The following COTL1 variants were observed in gnomAD, a reference collection of about 807,000 sequenced individuals.
COTL1 encodes the protein coactosin-like protein.
In COTL1, 15 loss-of-function variants were observed where a neutral mutation model predicts 16.5. That is an observed-to-expected ratio of 0.91 (90% confidence interval 0.61 to 1.40). The LOEUF (loss-of-function observed/expected upper bound fraction) is 1.40, where lower values mean the gene tolerates loss of function less well. Ranked by LOEUF, COTL1 falls within the 40% of genes most tolerant of loss-of-function variation. COTL1 has a pLI of 0.00. For synonymous variants in COTL1, 112 were observed against 85.3 expected (o/e 1.31, Z -1.73); for missense variants, 220 against 201.5 (o/e 1.09, Z -0.56).
intron 2 of COTL1, chr16:84,594,861 C>G (rs954972600): frequency 6.5e-6 from 1 of 152,976 alleles, no homozygotes; most frequent in South Asian, 2.1e-4. Flanking sequence ...CCCCCTCCCA[C>G]GGCTCTGGCT....
At chr16:84,617,112 C>T (rs1463806252) in intron 2 of COTL1, among the ~76,000 whole-genome samples, 1 of 152,180 alleles carries the variant, frequency 6.6e-6, no homozygotes, top group Non-Finnish European at 1.5e-5. Flanking sequence ...GTTTCTTTCC[C>T]TTCCAAGCAG....
intron 2 of COTL1, among the ~76,000 whole-genome samples, chr16:84,605,057 G>A (rs1433052434): frequency 6.6e-6 from 1 of 152,222 alleles, no homozygotes; most frequent in Non-Finnish European, 1.5e-5. Flanking sequence ...CCAGACACAC[G>A]CACAGGCTTT....
chr16:84,602,895 T>C (rs1160843731), intron 2 of COTL1, among the ~76,000 whole-genome samples: 1 of 150,600 alleles, frequency 6.6e-6, no homozygotes, highest in Non-Finnish European at 1.5e-5. Context: ...AAAAAGGCAG[T>C]GTTGCTGGAG....
chr16:84,573,752 A>ATAT (rs1244547102), intron 3 of COTL1, among the ~76,000 whole-genome samples: 38,913 of 148,074 alleles, frequency 0.26, 5,741 homozygotes, highest in Middle Eastern at 0.4. Flanking sequence ...AAAAAAAAAA[A>ATAT]ATATATATAT....
intron 2 of COTL1, among the ~76,000 whole-genome samples, chr16:84,607,833 T>A (rs1025474075): frequency 6.6e-6 from 1 of 152,008 alleles, no homozygotes. Flanking sequence ...TGGGGCATAG[T>A]AGATGCTCGA....
chr16:84,607,055 A>G (rs560044609), intron 2 of COTL1, among the ~76,000 whole-genome samples: 2 of 152,324 alleles, frequency 1.3e-5, no homozygotes, highest in East Asian at 1.9e-4. Flanking sequence ...ATTGGCAGCC[A>G]TCTAACCATG....
rs1243843497 is a variant in COTL1 at position 84,613,053 on chromosome 16, T to C, written c.160+4448A>G. On this transcript the variant is annotated intron_variant, in intron 2 of 3. Transcript: ENST00000262428. ...TCTCACTCTGCTGCCCAGGCTAGAG[T>C]ACAACAGCGCGATCTCGGCTCACTG... Among the ~76,000 whole-genome samples, 6 of 150,120 alleles carry C rather than the reference T, an allele frequency of 4.0e-5. No individual in the cohort carries two copies. In the South Asian group the frequency reaches 6.3e-4, roughly 16 times the overall value.
intron 3 of COTL1, among the ~76,000 whole-genome samples, chr16:84,588,093 A>C (rs951233253): frequency 7.2e-5 from 11 of 152,176 alleles, no homozygotes; most frequent in Admixed American, 2.0e-4. Flanking sequence ...TTTTAAATAA[A>C]AGTTTTATTA....
chr16:84,611,895 G>A (rs528225200), intron 2 of COTL1, among the ~76,000 whole-genome samples: 1 of 152,136 alleles, frequency 6.6e-6, no homozygotes, highest in Non-Finnish European at 1.5e-5. Flanking sequence ...GCTGTGGCCA[G>A]GTAGATCATA....
chr16:84,580,281 T>C (rs1180532216), intron 3 of COTL1, among the ~76,000 whole-genome samples: 1 of 152,212 alleles, frequency 6.6e-6, no homozygotes, highest in African/African-American at 2.4e-5. Flanking sequence ...GACAAGGTCT[T>C]GCTCTGTCGC....
intron 2 of COTL1, among the ~76,000 whole-genome samples, chr16:84,612,961 G>A (rs929874003): frequency 6.6e-6 from 1 of 151,842 alleles, no homozygotes; most frequent in Non-Finnish European, 1.5e-5. Flanking sequence ...GAGAAGCAGA[G>A]CGGAGATGTC....
chr16:84,571,278 A>C (rs559284963), intron 3 of COTL1, among the ~76,000 whole-genome samples: 1 of 152,268 alleles, frequency 6.6e-6, no homozygotes, highest in South Asian at 2.1e-4. Context: ...GCCAGTGCAA[A>C]GCCGAGCAGA....
At chr16:84,617,445 G>T in intron 2 of COTL1, 56 bp downstream of exon 2, 2 of 1,501,412 alleles carry the variant, frequency 1.3e-6, no homozygotes, top group East Asian at 2.5e-5. Flanking sequence ...GGGGCTCCCC[G>T]GGTGCAGACA....
In COTL1 at chr16:84,587,752, G is replaced by A. The variant is rs146565998; in HGVS notation, c.318+2353C>T. Among the ~76,000 whole-genome samples the A allele has an allele frequency of 1.4e-3, 208 of 152,106 alleles. 3 individuals are homozygous for A. The highest frequency in any genetic ancestry group is 3.1e-4 in the Non-Finnish European group (21 of 68,010). ...GCGGGAACTGACAGGGGGACCACAG[G>A]ACTCTATTATGTCCTATCATTATTT... On this transcript the variant is annotated intron_variant, in intron 3 of 3. Coordinates refer to ENST00000262428, the MANE Select transcript of COTL1 (RefSeq NM_021149.5).
chr16:84,603,661 G>C (rs1905148737), intron 2 of COTL1, among the ~76,000 whole-genome samples: 1 of 152,122 alleles, frequency 6.6e-6, no homozygotes, highest in Non-Finnish European at 1.5e-5. Flanking sequence ...GAAGCGAATG[G>C]AGGCAGTGGG....
chr16:84,581,614 C>T lies in COTL1; in HGVS notation c.318+8491G>A, dbSNP rs561937386. Among the ~76,000 whole-genome samples, 5 of 152,134 alleles carry T rather than the reference C, an allele frequency of 3.3e-5. No individual in the cohort carries two copies. The East Asian group carries it at 7.8e-4, about 24-fold the overall frequency. On this transcript the variant is annotated intron_variant, in intron 3 of 3. Coordinates refer to ENST00000262428, the MANE Select transcript of COTL1 (RefSeq NM_021149.5). ...TTCCTCCTGGGTTCAAGCGATTCTC[C>T]TGCCGCAGCCTCCGGAGTAGCTGGG... is the stretch of plus-strand genomic sequence containing the variant.
intron 3 of COTL1, among the ~76,000 whole-genome samples, chr16:84,586,329 C>A (rs1037875008): frequency 6.6e-6 from 1 of 152,166 alleles, no homozygotes; most frequent in Non-Finnish European, 1.5e-5. Flanking sequence ...GAATTATCAC[C>A]ACTACTCCCA....
rs1904300868 is a variant in COTL1, at chr16:84,566,848, C to T, written c.426G>A (p.Glu142=). ...AGGANYDAQT[E] Reference sequence around the variant, plus strand: ...GGTGGTGTGGCGGGGGCTGGGGTTACTCCGTCTGGGCGTCGTAATTGGCTC... The same window carrying T: ...GGTGGTGTGGCGGGGGCTGGGGTTATTCCGTCTGGGCGTCGTAATTGGCTC... The change falls in exon 4 of 4, where the codon GAG becomes GAA. Residue 142 remains glutamate, a synonymous_variant. Transcript: ENST00000262428. 6 of 1,608,804 alleles carry T rather than the reference C, an allele frequency of 3.7e-6. No individual in the cohort carries two copies. The highest frequency in any genetic ancestry group is 1.8e-4 in the Middle Eastern group (1 of 5,438).
chr16:84,581,319 C>T (rs977679786), intron 3 of COTL1, among the ~76,000 whole-genome samples: 7 of 152,098 alleles, frequency 4.6e-5, no homozygotes, highest in African/African-American at 9.7e-5. Context: ...AGTGTAAACA[C>T]GCCACATAGA....
Sources: allele counts gnomAD v4.1 joint callset (sites outside exome capture counted in the v4.1 genomes callset), GRCh38; gene constraint gnomAD v4.1.1; transcripts MANE v1.5; gene names NCBI Gene and HGNC (gene_info 2026-07-23, HGNC 2026-07-21).